Variants in UAP1 observed in about 807,000 individuals in gnomAD.
UAP1 encodes the protein UDP-N-acetylglucosamine pyrophosphorylase 1.
A neutral mutation model predicts 58.5 loss-of-function variants in UAP1; 25 were observed. That is an observed-to-expected ratio of 0.43 (90% confidence interval 0.31 to 0.60). UAP1 has a LOEUF of 0.60. Ranked by LOEUF, UAP1 falls within the 20% of genes least tolerant of loss-of-function variation. The pLI is 0.11. For missense variants in UAP1, 575 were observed against 630.0 expected (o/e 0.91, Z 0.93); for synonymous variants, 208 against 213.0 (o/e 0.98, Z 0.21).
intron 2 of UAP1, among the ~76,000 whole-genome samples, chr1:162,566,644 T>A (rs922440543): frequency 5.3e-5 from 8 of 152,070 alleles, no homozygotes; most frequent in Admixed American, 4.6e-4. Flanking sequence ...TTTTTTTTTT[T>A]AAGACAGAGT....
At chr1:162,587,606 G>A in exon 6 of UAP1, 2 of 1,614,108 alleles carry the variant, frequency 1.2e-6, no homozygotes, top group Non-Finnish European at 1.7e-6. Context: ...GACGACTGCT[G>A]TTCAATGCGG....
At chr1:162,589,015 T>C (rs546420637) in intron 7 of UAP1, among the ~76,000 whole-genome samples, 182 bp downstream of exon 7, 1 of 146,682 alleles carries the variant, frequency 6.8e-6, no homozygotes, top group South Asian at 2.1e-4. Flanking sequence ...GAGTGTGATC[T>C]GAGTTGCCTA....
chr1:162,570,402 C>T (rs1357140819), intron 2 of UAP1, among the ~76,000 whole-genome samples: 8 of 151,822 alleles, frequency 5.3e-5, no homozygotes, highest in Non-Finnish European at 2.9e-5. Flanking sequence ...TATAGTGAAC[C>T]CCCACATAAG....
chr1:162,569,101 C>T (rs1295236022), intron 2 of UAP1, among the ~76,000 whole-genome samples: 2 of 152,200 alleles, frequency 1.3e-5, no homozygotes, highest in Non-Finnish European at 2.9e-5. Context: ...ATCCTTTTCA[C>T]TTAGCCAGAA....
rs753625279 is a variant in UAP1, at chr1:162,588,858, G to A, written c.1169+25G>A. On this transcript the variant is annotated intron_variant, in intron 7 of 10. Coordinates refer to ENST00000271469, the Ensembl canonical transcript of UAP1. Reference sequence around the variant, plus strand: ...AGTATGCTTTGAATAGTACCAATAAGGTTAAATAAATGTCTTAAAATGCTG... The same window carrying A: ...AGTATGCTTTGAATAGTACCAATAAAGTTAAATAAATGTCTTAAAATGCTG... The A allele has an allele frequency of 1.9e-6, 3 of 1,575,878 alleles. No individual in the cohort carries two copies. The African/African-American group carries it at 4.1e-5, about 22-fold the overall frequency.
intron 2 of UAP1, among the ~76,000 whole-genome samples, chr1:162,567,055 G>A (rs1409283680): frequency 6.6e-6 from 1 of 152,136 alleles, no homozygotes; most frequent in African/African-American, 2.4e-5. Flanking sequence ...TTTTGCTCAT[G>A]TTTATCCTTA....
chr1:162,577,435 C>CTTTTTTTTTTTTTTTTTTTTTTTTTT (rs67627704), intron 3 of UAP1, among the ~76,000 whole-genome samples: 1 of 95,212 alleles, frequency 1.1e-5, no homozygotes, highest in African/African-American at 4.8e-5. Flanking sequence ...AGTTCCTTCC[C>CTTTTTTTTTTTTTTTTTTTTTTTTTT]TTTTTTTTTT....
At chr1:162,587,779 C>G in intron 6 of UAP1, 111 bp downstream of exon 6, 3 of 1,044,790 alleles carry the variant, frequency 2.9e-6, no homozygotes, top group Non-Finnish European at 4.2e-6. Context: ...ATTCATCTTT[C>G]CTGAGGATCA....
At chr1:162,568,633 T>A (rs1234688596) in intron 2 of UAP1, among the ~76,000 whole-genome samples, 3 of 152,222 alleles carry the variant, frequency 2.0e-5, no homozygotes, top group Non-Finnish European at 2.9e-5. Context: ...GGTATGTCCT[T>A]GTGAATGAAG....
chr1:162,593,061 C>T (rs1250795194), intron 9 of UAP1: 3 of 493,582 alleles, frequency 6.1e-6, no homozygotes, highest in African/African-American at 5.8e-5. Context: ...TAGGTAAGAT[C>T]CAGAGCAGGT....
At chr1:162,580,999 C>T (rs569500705) in intron 4 of UAP1, among the ~76,000 whole-genome samples, 40 of 152,116 alleles carry the variant, frequency 2.6e-4, no homozygotes, top group African/African-American at 9.4e-4. Flanking sequence ...TTATATCATA[C>T]AATATATTAC....
intron 5 of UAP1, among the ~76,000 whole-genome samples, chr1:162,582,965 G>C (rs1423621218): frequency 7.1e-6 from 1 of 140,356 alleles, no homozygotes; most frequent in Non-Finnish European, 1.5e-5. Context: ...CCAATACTCT[G>C]TGAGTATCTG....
intron 5 of UAP1, among the ~76,000 whole-genome samples, chr1:162,586,949 C>T (rs1417609316): frequency 1.3e-5 from 2 of 152,140 alleles, no homozygotes; most frequent in East Asian, 1.9e-4. Flanking sequence ...AACCCCTTTA[C>T]CTCCTACTCA....
intron 9 of UAP1, among the ~76,000 whole-genome samples, chr1:162,594,797 G>A (rs745756533): frequency 4.6e-5 from 7 of 151,934 alleles, no homozygotes; most frequent in East Asian, 3.8e-4. Context: ...ATCCCCCATC[G>A]CCCAGTTTAC....
At chr1:162,574,548 C>T (rs1654060947) in intron 2 of UAP1, among the ~76,000 whole-genome samples, 1 of 152,258 alleles carries the variant, frequency 6.6e-6, no homozygotes, top group African/African-American at 2.4e-5. Context: ...ACTGCGTCGT[C>T]TGGCTTAGCC....
intron 9 of UAP1, chr1:162,592,985 A>G (rs1510267): frequency 0.75 from 419,114 of 559,938 alleles, 157,979 homozygotes; most frequent in Admixed American, 0.82. Flanking sequence ...CTGGAAATGG[A>G]GAGCATGCTT....
At chr1:162,595,492 C>T (rs1424219628) in intron 9 of UAP1, among the ~76,000 whole-genome samples, 1 of 152,070 alleles carries the variant, frequency 6.6e-6, no homozygotes, top group Non-Finnish European at 1.5e-5. Context: ...GACTAGACCT[C>T]TTGAGCTCTT....
Position 162,576,931 on chromosome 1 carries a change from GC to G in UAP1, c.436del (p.Leu146TyrfsTer19). On this transcript the variant is annotated frameshift_variant, in exon 3 of 11. Coordinates refer to ENST00000271469, the Ensembl canonical transcript of UAP1. LOFTEE classifies it high-confidence loss of function. ...AGATTCAAGCAGAGCGTATCCTGAA[GC>G]TACAGCAGGTTGCTGAAAAATATTA... 1 of 1,614,176 alleles carries G rather than the reference GC, an allele frequency of 6.2e-7. No homozygotes were observed. The highest frequency in any genetic ancestry group is 1.3e-5 in the African/African-American group (1 of 75,038).
intron 2 of UAP1, 142 bp from the exon 3 acceptor site, chr1:162,576,635 C>G: frequency 1.3e-6 from 1 of 744,030 alleles, no homozygotes; most frequent in Middle Eastern, 3.8e-4. Flanking sequence ...TAGCCTGTAC[C>G]CAAAATCAGC....
Sources: allele counts gnomAD v4.1 joint callset (sites outside exome capture counted in the v4.1 genomes callset), GRCh38; gene constraint gnomAD v4.1.1; transcripts MANE v1.5; gene names NCBI Gene and HGNC (gene_info 2026-07-23, HGNC 2026-07-21).